The following NRG2 variants were observed in gnomAD, a reference collection of about 807,000 sequenced individuals.
NRG2 encodes neuregulin 2, also known as pro-neuregulin-2, membrane-bound isoform.
NRG2 carries 27 observed loss-of-function variants against 73.9 expected under a neutral mutation model. The observed-to-expected ratio is 0.37, with a 90% CI of 0.27 to 0.50. The LOEUF is 0.50. Ranked by LOEUF, NRG2 falls within the 20% of genes least tolerant of loss-of-function variation. NRG2 has a pLI of 0.96. For synonymous variants in NRG2, 532 were observed against 541.0 expected (o/e 0.98, Z 0.23); for missense variants, 1,126 against 1,210.1 (o/e 0.93, Z 1.03).
chr5:139,905,666 T>C (rs1274971959), intron 1 of NRG2, among the ~76,000 whole-genome samples: 1 of 142,708 alleles, frequency 7.0e-6, no homozygotes, highest in Non-Finnish European at 1.5e-5. Context: ...GTCTGTCTCA[T>C]CAGGGGCCAG....
intron 1 of NRG2, among the ~76,000 whole-genome samples, chr5:139,941,300 A>G (rs142505875): frequency 6.6e-6 from 1 of 152,286 alleles, no homozygotes; most frequent in African/African-American, 2.4e-5. Flanking sequence ...ATAATTTTGA[A>G]TTGACAAAAT....
At chr5:139,877,984 C>T (rs989986106) in intron 3 of NRG2, among the ~76,000 whole-genome samples, 2 of 152,210 alleles carry the variant, frequency 1.3e-5, no homozygotes, top group Admixed American at 6.5e-5. Flanking sequence ...AAAGGTGCCA[C>T]GGTCTGGTTC....
intron 5 of NRG2, among the ~76,000 whole-genome samples, chr5:139,861,291 T>C (rs1360730550): frequency 6.6e-6 from 1 of 152,182 alleles, no homozygotes; most frequent in East Asian, 1.9e-4. Context: ...GGTGTGACAC[T>C]GTGTCTGATA....
Position 139,851,196 on chromosome 5 carries a change from C to T in NRG2, c.1772+408G>A, listed in dbSNP as rs1761392346. Among the ~76,000 whole-genome samples the T allele has an allele frequency of 6.6e-6, 1 of 152,102 alleles. No individual in the cohort carries two copies. Among genetic ancestry groups the T allele is most frequent in the African/African-American group, 2.4e-5 (1 of 41,422 alleles). ...AAGATGGGGGTTTCACCATGTTGGC[C>T]AGACTAGTCTCAAACTCCTGACCTC... On this transcript the variant is annotated intron_variant, in intron 9 of 9. Coordinates refer to ENST00000361474, the MANE Select transcript of NRG2 (RefSeq NM_004883.3). The surrounding 1 kb of genome is among the most constrained non-coding windows in gnomAD (Gnocchi z 4.2).
chr5:139,972,559 T>C (rs920490888), intron 1 of NRG2, among the ~76,000 whole-genome samples: 29 of 152,156 alleles, frequency 1.9e-4, no homozygotes, highest in African/African-American at 6.3e-4. Flanking sequence ...ACCCCGTTTC[T>C]ACTAAAAATA....
At chr5:139,849,446 T>C (rs975780819) in intron 9 of NRG2, among the ~76,000 whole-genome samples, 1 of 152,180 alleles carries the variant, frequency 6.6e-6, no homozygotes, top group Non-Finnish European at 1.5e-5. Flanking sequence ...GAGGTGTCTC[T>C]GCTTGTGGCT....
At chr5:139,939,594 C>G (rs1753235658) in intron 1 of NRG2, among the ~76,000 whole-genome samples, 1 of 151,886 alleles carries the variant, frequency 6.6e-6, no homozygotes, top group South Asian at 2.1e-4. Context: ...AAATAGGAGT[C>G]AAAATGTAGG....
intron 1 of NRG2, among the ~76,000 whole-genome samples, chr5:139,902,190 G>T (rs997179458): frequency 1.7e-4 from 26 of 152,320 alleles, no homozygotes; most frequent in Non-Finnish European, 3.4e-4. Flanking sequence ...ACTATGAGCT[G>T]GGGAGAAGGG....
rs530030022 is a variant in NRG2, at chr5:139,872,031, G to A, written c.992-190C>T. On this transcript the variant is annotated intron_variant, in intron 3 of 9. Transcript: ENST00000361474. ...GGAGAGGCCACCATGAGCTCTGCCC[G>A]TTTACCCAGTGCAACCTTGCACCCA... 1.5e-4 allele frequency among the ~76,000 whole-genome samples: 23 copies of A among 152,322 alleles called. 1 individual carries two copies. Among genetic ancestry groups the A allele is most frequent in the East Asian group, 9.7e-4 (5 of 5,176 alleles).
intron 4 of NRG2, 32 bp downstream of exon 4, chr5:139,871,689 T>G (rs368377830): frequency 2.2e-5 from 36 of 1,612,786 alleles, no homozygotes; most frequent in African/African-American, 2.7e-5. Flanking sequence ...ACCCTGTTCT[T>G]GCTCCCATGC....
At chr5:139,946,892 T>C (rs561681191) in intron 1 of NRG2, among the ~76,000 whole-genome samples, 6 of 152,136 alleles carry the variant, frequency 3.9e-5, no homozygotes, top group Admixed American at 1.3e-4. Context: ...AAAGAATATA[T>C]ACAAATGGTC....
intron 1 of NRG2, among the ~76,000 whole-genome samples, chr5:140,016,900 G>A (rs1759827019): frequency 6.6e-6 from 1 of 152,206 alleles, no homozygotes; most frequent in South Asian, 2.1e-4. Context: ...TGCTGATGAA[G>A]TCAGCACAGG....
At chr5:139,934,171 G>C (rs7735660) in intron 1 of NRG2, among the ~76,000 whole-genome samples, 31,325 of 152,096 alleles carry the variant, frequency 0.21, 3,968 homozygotes, top group African/African-American at 0.36. Flanking sequence ...TGCACTCCAG[G>C]CTGGGAGTGA....
intron 1 of NRG2, among the ~76,000 whole-genome samples, chr5:139,946,872 A>T (rs931461292): frequency 5.3e-5 from 8 of 152,140 alleles, no homozygotes; most frequent in African/African-American, 1.9e-4. Context: ...GTATGAATAC[A>T]TATTTCTCCA....
At chr5:139,920,674 A>T (rs1030923948) in intron 1 of NRG2, among the ~76,000 whole-genome samples, 1 of 152,218 alleles carries the variant, frequency 6.6e-6, no homozygotes, top group Non-Finnish European at 1.5e-5. Flanking sequence ...TGCTTCTCTG[A>T]GACCTCAAAG....
Position 139,870,717 on chromosome 5 carries a change from C to T in NRG2, c.1112+1004G>A, listed in dbSNP as rs185804751. On this transcript the variant is annotated intron_variant, in intron 4 of 9. Coordinates refer to ENST00000361474, the MANE Select transcript of NRG2 (RefSeq NM_004883.3). This position sits in a 1 kb window ranked among gnomAD's most constrained non-coding sequence, Gnocchi z 4.4. Reference sequence around the variant, plus strand: ...AACACTGAAGTTATTAACTAGGCCCCCCTCCCACTCCTCTCCTAGATCTGT... The same window carrying T: ...AACACTGAAGTTATTAACTAGGCCCTCCTCCCACTCCTCTCCTAGATCTGT... Among the ~76,000 whole-genome samples the T allele has an allele frequency of 6.4e-4, 98 of 152,280 alleles. No homozygotes were observed. The highest frequency in any genetic ancestry group is 3.4e-4 in the Non-Finnish European group (23 of 68,024).
At chr5:139,990,582 A>G (rs933622344) in intron 1 of NRG2, among the ~76,000 whole-genome samples, 2 of 152,238 alleles carry the variant, frequency 1.3e-5, no homozygotes, top group Non-Finnish European at 2.9e-5. Flanking sequence ...CTGGGATTAC[A>G]GGCTTGAGCC....
intron 3 of NRG2, among the ~76,000 whole-genome samples, chr5:139,879,568 G>A (rs1763396377): frequency 6.6e-6 from 1 of 152,188 alleles, no homozygotes; most frequent in African/African-American, 2.4e-5. Context: ...AGAATGGAAT[G>A]GACAAGGGAC....
chr5:139,866,497 C>G (rs1762478203), intron 4 of NRG2, among the ~76,000 whole-genome samples: 1 of 152,156 alleles, frequency 6.6e-6, no homozygotes, highest in African/African-American at 2.4e-5. Context: ...ATCAGCATCC[C>G]AAAGTGGGCC....
Sources: allele counts gnomAD v4.1 joint callset (sites outside exome capture counted in the v4.1 genomes callset), GRCh38; gene constraint gnomAD v4.1.1; non-coding constraint Gnocchi (gnomAD v3.1); transcripts MANE v1.5; gene names NCBI Gene and HGNC (gene_info 2026-07-23, HGNC 2026-07-21).